NLGN1: variants seen among roughly 807,000 people sequenced by gnomAD.
NLGN1 encodes the protein neuroligin 1, also known as neuroligin-1.
NLGN1 carries 12 observed loss-of-function variants against 65.5 expected under a neutral mutation model. The observed-to-expected ratio is 0.18, with a 90% confidence interval of 0.12 to 0.30. The LOEUF (loss-of-function observed/expected upper bound fraction) is 0.30, where lower values mean the gene tolerates loss of function less well. NLGN1 is among the 10% of genes least tolerant of loss of function. The probability of loss-of-function intolerance (pLI) is 1.00; values close to 1 mark genes in which losing one functional copy is unlikely to be tolerated. For synonymous variants in NLGN1, 350 were observed against 359.5 expected (o/e 0.97, Z 0.30); for missense variants, 750 against 1,007.1 (o/e 0.74, Z 3.46).
rs574241824 is a variant in NLGN1 at position 174,030,787 on chromosome 3, G to A, written c.646+222955G>A. 5.3e-5 allele frequency among the ~76,000 whole-genome samples: 8 copies of A among 151,916 alleles called. No homozygotes were observed. In the East Asian group the frequency reaches 1.6e-3, roughly 29 times the overall value. On this transcript the variant is annotated intron_variant, in intron 4 of 6. Coordinates refer to ENST00000457714, the Ensembl canonical transcript of NLGN1. ...GACTAAATAATACCAAGGAAACTAA[G>A]TTCTAAGCCAAGAAACAACCCAATT... is the stretch of plus-strand genomic sequence containing the variant.
At chr3:173,898,534 TA>T (rs1203426194) in intron 4 of NLGN1, among the ~76,000 whole-genome samples, 1 of 152,218 alleles carries the variant, frequency 6.6e-6, no homozygotes, top group African/African-American at 2.4e-5. Flanking sequence ...TATTAAGCAT[TA>T]ACCAGCATAC....
At chr3:173,738,703 G>A (rs949737176) in intron 3 of NLGN1, among the ~76,000 whole-genome samples, 1 of 151,984 alleles carries the variant, frequency 6.6e-6, no homozygotes, top group African/African-American at 2.4e-5. Flanking sequence ...TTATTTTTGA[G>A]ATCGTTTTGG....
At position 173,722,695 on chromosome 3, in the gene NLGN1, C is replaced by G. The variant is rs115956641; in HGVS notation, c.494-84985C>G. Among the ~76,000 whole-genome samples, 340 of 152,290 alleles carry G rather than the reference C, an allele frequency of 2.2e-3. 2 individuals carry two copies. Among genetic ancestry groups the G allele is most frequent in the African/African-American group, 7.5e-3 (312 of 41,568 alleles). On this transcript the variant is annotated intron_variant, in intron 3 of 6. Coordinates refer to ENST00000457714, the Ensembl canonical transcript of NLGN1. ...TACCTGCATGACCATGACAAAATTA[C>G]TTAATCTCCCTTTTCCTCACATTTT...
intron 3 of NLGN1, among the ~76,000 whole-genome samples, chr3:173,641,382 C>T (rs1031580685): frequency 7.2e-5 from 11 of 152,140 alleles, no homozygotes; most frequent in African/African-American, 1.7e-4. Context: ...GGCACGATCT[C>T]GGCTCACTGC....
intron 4 of NLGN1, among the ~76,000 whole-genome samples, chr3:174,054,702 G>T (rs1735658923): frequency 6.6e-6 from 1 of 151,972 alleles, no homozygotes; most frequent in African/African-American, 2.4e-5. Context: ...ACAAGAACTG[G>T]TCCAGACTAT....
At chr3:173,913,831 G>GA (rs1279137645) in intron 4 of NLGN1, among the ~76,000 whole-genome samples, 5 of 152,114 alleles carry the variant, frequency 3.3e-5, no homozygotes, top group Non-Finnish European at 5.9e-5. Context: ...TTTTAAAGCA[G>GA]AAAAACATAC....
intron 4 of NLGN1, among the ~76,000 whole-genome samples, chr3:174,063,063 A>G (rs1346725148): frequency 6.6e-6 from 1 of 152,142 alleles, no homozygotes; most frequent in Non-Finnish European, 1.5e-5. Flanking sequence ...GCAAAGAACC[A>G]GAGATGTAGA....
chr3:173,560,524 A>AT lies in NLGN1; in HGVS notation c.-320-43743dup, dbSNP rs3030773. ...TAGATTTAAAGCAATCAACAGAATG[A>AT]TTTTTTTTTTTTATTATTCTAGCTT... is the stretch of plus-strand genomic sequence containing the variant. On this transcript the variant is annotated intron_variant, in intron 2 of 6. Transcript: ENST00000457714. Among the ~76,000 whole-genome samples the AT allele has an allele frequency of 8.6e-3, 1,289 of 149,934 alleles. 9 individuals carry two copies. Among genetic ancestry groups the AT allele is most frequent in the African/African-American group, 0.015 (612 of 40,988 alleles).
At chr3:173,600,111 C>T (rs76962798) in intron 2 of NLGN1, among the ~76,000 whole-genome samples, 4,181 of 151,830 alleles carry the variant, frequency 0.028, 86 homozygotes, top group Middle Eastern at 0.041. Flanking sequence ...CTACTAGTTG[C>T]AAGCATTAAG....
chr3:173,515,334 A>G (rs868304714), intron 2 of NLGN1, among the ~76,000 whole-genome samples: 1 of 152,106 alleles, frequency 6.6e-6, no homozygotes, highest in Non-Finnish European at 1.5e-5. Context: ...CCATTTTTAA[A>G]TTAAGTTATT....
chr3:173,433,120 T>C (rs147706058), intron 1 of NLGN1, among the ~76,000 whole-genome samples: 1 of 152,350 alleles, frequency 6.6e-6, no homozygotes, highest in African/African-American at 2.4e-5. Context: ...TTTATTATTC[T>C]TAAGGTATTT....
rs755726500 is a variant in NLGN1, at chr3:174,067,652, G to A, written c.647-207663G>A. Among the ~76,000 whole-genome samples the A allele has an allele frequency of 3.3e-5, 5 of 152,016 alleles. 1 individual carries two copies. The highest frequency in any genetic ancestry group is 3.9e-4 in the East Asian group (2 of 5,170). ...GATGTTCCACTGGAGGAATTTCATC[G>A]GACAAAGTTTTCACAAATCTGTGCA... is the stretch of plus-strand genomic sequence containing the variant. On this transcript the variant is annotated intron_variant, in intron 4 of 6. Coordinates refer to ENST00000457714, the Ensembl canonical transcript of NLGN1.
intron 4 of NLGN1, among the ~76,000 whole-genome samples, chr3:174,197,534 A>AG (rs1347830908): frequency 6.6e-6 from 1 of 151,086 alleles, no homozygotes; most frequent in Non-Finnish European, 1.5e-5. Context: ...AAAAAAAAAA[A>AG]AAAGGAGAAT....
intron 4 of NLGN1, among the ~76,000 whole-genome samples, chr3:174,114,723 C>T (rs771719650): frequency 1.3e-5 from 2 of 151,936 alleles, no homozygotes; most frequent in African/African-American, 2.4e-5. Context: ...ATACATTATC[C>T]GTAAGGTGTT....
At chr3:174,130,289 A>G (rs1250377988) in intron 4 of NLGN1, among the ~76,000 whole-genome samples, 1 of 152,116 alleles carries the variant, frequency 6.6e-6, no homozygotes, top group African/African-American at 2.4e-5. Context: ...CAGGAGTGTC[A>G]CTTGAACCTG....
chr3:173,544,122 G>A (rs924218011), intron 2 of NLGN1, among the ~76,000 whole-genome samples: 2 of 151,970 alleles, frequency 1.3e-5, no homozygotes, highest in South Asian at 2.1e-4. Context: ...GTTGAATTGC[G>A]GGTAATAGTG....
chr3:173,478,830 G>T (rs1318536897), intron 2 of NLGN1, among the ~76,000 whole-genome samples: 1 of 151,654 alleles, frequency 6.6e-6, no homozygotes, highest in Non-Finnish European at 1.5e-5. Flanking sequence ...AGGTTGCAGT[G>T]AGCTGAGATT....
At chr3:173,761,807 T>G (rs1778007854) in intron 3 of NLGN1, among the ~76,000 whole-genome samples, 1 of 152,014 alleles carries the variant, frequency 6.6e-6, no homozygotes, top group South Asian at 2.1e-4. Context: ...ACTTATCAAT[T>G]GAGACAGATA....
intron 4 of NLGN1, among the ~76,000 whole-genome samples, chr3:174,259,498 TA>T (rs890237432): frequency 1.3e-5 from 2 of 151,912 alleles, no homozygotes; most frequent in South Asian, 2.1e-4. Flanking sequence ...TATTAGCAAT[TA>T]AAAAAAATCT....
Sources: gnomAD v4.1 joint callset for allele counts (sites outside exome capture counted in the v4.1 genomes callset) on GRCh38, gnomAD v4.1.1 for gene constraint, MANE v1.5 for transcripts, NCBI Gene and HGNC (gene_info 2026-07-23, HGNC 2026-07-21) for gene names.